Variants in PTPN11 observed in about 807,000 individuals in gnomAD.
The protein encoded by PTPN11 is protein tyrosine phosphatase non-receptor type 11, also known as tyrosine-protein phosphatase non-receptor type 11.
PTPN11 carries 6 observed loss-of-function variants against 78.8 expected under a neutral mutation model. The observed-to-expected ratio is 0.08, with a 90% confidence interval of 0.04 to 0.15. The LOEUF is 0.15. Among genes scored for constraint, PTPN11 ranks in the 10% least tolerant of loss-of-function variants. The pLI is 1.00. For missense variants in PTPN11, 386 were observed against 744.8 expected (o/e 0.52, Z 5.61); for synonymous variants, 221 against 263.5 (o/e 0.84, Z 1.56).
intron 1 of PTPN11, among the ~76,000 whole-genome samples, chr12:112,434,881 G>A (rs1212998224): frequency 6.6e-6 from 1 of 151,836 alleles, no homozygotes; most frequent in African/African-American, 2.4e-5. Context: ...TCACCTCCCA[G>A]GTTCAAGTGA....
chr12:112,442,481 A>G (rs942675709), intron 1 of PTPN11, among the ~76,000 whole-genome samples: 7 of 151,658 alleles, frequency 4.6e-5, no homozygotes, highest in African/African-American at 9.7e-5. Context: ...GAGATGGAGT[A>G]TTGCTCCATC....
intron 13 of PTPN11, among the ~76,000 whole-genome samples, chr12:112,500,026 T>C (rs891104884): frequency 5.3e-5 from 8 of 151,150 alleles, no homozygotes; most frequent in Non-Finnish European, 8.8e-5. Context: ...GGTGGATCAC[T>C]TGAGGCCAGG....
chr12:112,425,713 A>G (rs1427932317), intron 1 of PTPN11, among the ~76,000 whole-genome samples: 2 of 152,018 alleles, frequency 1.3e-5, no homozygotes, highest in African/African-American at 4.8e-5. Context: ...TAGACTTTGG[A>G]TCCCTAGTTT....
intron 1 of PTPN11, among the ~76,000 whole-genome samples, chr12:112,436,071 T>G (rs941305025): frequency 6.6e-6 from 1 of 152,118 alleles, no homozygotes; most frequent in Admixed American, 6.6e-5. Context: ...TGTGTTCTGC[T>G]TTAAAAAGAC....
intron 3 of PTPN11, among the ~76,000 whole-genome samples, chr12:112,450,853 C>G (rs559915436): frequency 1.3e-5 from 2 of 152,100 alleles, no homozygotes; most frequent in Non-Finnish European, 2.9e-5. Context: ...AATGGAGACA[C>G]CAAAATAGCA....
chr12:112,463,174 A>T (rs1160710013), intron 6 of PTPN11, among the ~76,000 whole-genome samples: 1 of 152,102 alleles, frequency 6.6e-6, no homozygotes, highest in Non-Finnish European at 1.5e-5. Flanking sequence ...TGAACTTAAA[A>T]ATTACAGCAT....
intron 6 of PTPN11, among the ~76,000 whole-genome samples, chr12:112,462,906 T>C (rs75290222): frequency 0.015 from 2,252 of 152,328 alleles, 60 homozygotes; most frequent in African/African-American, 0.052. Flanking sequence ...GCTTTACTTT[T>C]GCTGACTACT....
At chr12:112,493,046 T>C (rs1025012131) in intron 13 of PTPN11, among the ~76,000 whole-genome samples, 2 of 151,724 alleles carry the variant, frequency 1.3e-5, no homozygotes, top group Non-Finnish European at 2.9e-5. Flanking sequence ...AAATAATGCA[T>C]CCAACATCTC....
intron 13 of PTPN11, among the ~76,000 whole-genome samples, chr12:112,500,482 G>A (rs1434798394): frequency 1.3e-5 from 2 of 152,090 alleles, no homozygotes; most frequent in Non-Finnish European, 2.9e-5. Context: ...TGCTTTGGAT[G>A]TCTGTTTTGC....
intron 1 of PTPN11, among the ~76,000 whole-genome samples, chr12:112,444,275 C>T (rs1471129436): frequency 6.6e-6 from 1 of 151,940 alleles, no homozygotes; most frequent in African/African-American, 2.4e-5. Flanking sequence ...AATTTGAATC[C>T]GTGTTTTCAA....
chr12:112,489,940 C>T (rs560524182), intron 13 of PTPN11, among the ~76,000 whole-genome samples: 19 of 152,262 alleles, frequency 1.2e-4, no homozygotes, highest in African/African-American at 4.6e-4. Context: ...AGATTTCTAG[C>T]CTAGCAGAAC....
intron 1 of PTPN11, among the ~76,000 whole-genome samples, chr12:112,439,832 T>C (rs1479447289): frequency 6.7e-6 from 1 of 149,042 alleles, no homozygotes; most frequent in African/African-American, 2.5e-5. Context: ...ATAAACCCAA[T>C]ATTCTGAAAG....
Position 112,427,406 on chromosome 12 carries a change from C to A in PTPN11, c.14+8281C>A, listed in dbSNP as rs910156667. On this transcript the variant is annotated intron_variant, in intron 1 of 15. Transcript: ENST00000351677. ...CTAAAAATACAAACAATTAGCCAGGCCTGGTGGTGGGTGCCTGTAGTCCCA... is the reference window on the plus strand; with the variant it reads ...CTAAAAATACAAACAATTAGCCAGGACTGGTGGTGGGTGCCTGTAGTCCCA... Among the ~76,000 whole-genome samples, 5 of 148,550 alleles carry A rather than the reference C, an allele frequency of 3.4e-5. No homozygotes were observed. In the East Asian group the frequency reaches 8.0e-4, roughly 24 times the overall value.
At chr12:112,484,560 C>T (rs926685405) in intron 10 of PTPN11, among the ~76,000 whole-genome samples, 3 of 151,924 alleles carry the variant, frequency 2.0e-5, no homozygotes, top group Non-Finnish European at 4.4e-5. Flanking sequence ...CAGGAAGTGA[C>T]GGGGGGACCA....
rs768178137 is a variant in PTPN11 at position 112,506,566 on chromosome 12, C to T, written c.*774C>T. 6.6e-6 allele frequency: 1 copy of T among 152,012 alleles called. No individual in the cohort carries two copies. Among genetic ancestry groups the T allele is most frequent in the African/African-American group, 2.4e-5 (1 of 41,376 alleles). The allele number at this position is 152,012 out of a possible 1,614,324, so 9.4% of individuals were successfully genotyped here. ...AATTGTCTTGTACTTAGAAAAAAGG[C>T]GTCTATGAATGACCAGTGTTTTTGG... On this transcript the variant is annotated 3_prime_UTR_variant, in exon 16 of 16. Coordinates refer to ENST00000351677, the MANE Select transcript of PTPN11 (RefSeq NM_002834.5).
intron 11 of PTPN11, 106 bp downstream of exon 11, chr12:112,486,735 T>G: frequency 1.3e-6 from 2 of 1,540,446 alleles, no homozygotes; most frequent in Non-Finnish European, 1.8e-6. Context: ...TAGGAAGAAT[T>G]TAATATCTGT....
chr12:112,434,035 A>T (rs777557305), intron 1 of PTPN11, among the ~76,000 whole-genome samples: 3 of 152,166 alleles, frequency 2.0e-5, no homozygotes, highest in Non-Finnish European at 4.4e-5. Context: ...GGTGGCTCAC[A>T]CTTGTAATCC....
chr12:112,453,710 C>T (rs1275283930), intron 4 of PTPN11, among the ~76,000 whole-genome samples: 1 of 142,682 alleles, frequency 7.0e-6, no homozygotes, highest in Admixed American at 7.5e-5. Flanking sequence ...GAGACTGGGT[C>T]TTGCTCTGTC....
chr12:112,481,393 C>T (rs1182744175), intron 9 of PTPN11, among the ~76,000 whole-genome samples: 2 of 152,242 alleles, frequency 1.3e-5, no homozygotes, highest in African/African-American at 4.8e-5. Context: ...AAACCAAGCA[C>T]CGACTCTCCT....
Sources: gnomAD v4.1 joint callset for allele counts (sites outside exome capture counted in the v4.1 genomes callset) on GRCh38, gnomAD v4.1.1 for gene constraint, MANE v1.5 for transcripts, NCBI Gene and HGNC (gene_info 2026-07-23, HGNC 2026-07-21) for gene names.